The following PHACTR2 variants were observed in gnomAD, a reference collection of about 807,000 sequenced individuals.
PHACTR2 encodes the protein chromosome 6 open reading frame 56.
A neutral mutation model predicts 76.0 loss-of-function variants in PHACTR2; 30 were observed. The observed-to-expected ratio is 0.39, with a 90% confidence interval of 0.30 to 0.54. The LOEUF is 0.54. Among genes scored for constraint, PHACTR2 ranks in the 20% least tolerant of loss-of-function variants. The pLI, the probability that PHACTR2 is intolerant of heterozygous loss-of-function variation, is 0.61. For synonymous variants in PHACTR2, 292 were observed against 292.5 expected (o/e 1.00, Z 0.02); for missense variants, 696 against 781.1 (o/e 0.89, Z 1.30).
intron 1 of PHACTR2, among the ~76,000 whole-genome samples, chr6:143,699,879 C>G (rs1326921554): frequency 6.6e-6 from 1 of 152,156 alleles, no homozygotes; most frequent in East Asian, 1.9e-4. Flanking sequence ...AATCTGGGAG[C>G]CTTGGGGACT....
In PHACTR2 at chr6:143,712,636, C is replaced by T. The variant is rs184719500; in HGVS notation, c.214+453C>T. ...ATACACATAACGTAATGTTAACGGT[C>T]TTGTTCGTTAATTAAAACTTTTTTA... On this transcript the variant is annotated intron_variant, in intron 2 of 12. Coordinates refer to ENST00000440869, the MANE Select transcript of PHACTR2 (RefSeq NM_001100164.2). 3.0e-3 allele frequency among the ~76,000 whole-genome samples: 450 copies of T among 151,800 alleles called. 5 individuals are homozygous for T. Among genetic ancestry groups the T allele is most frequent in the Non-Finnish European group, 2.1e-3 (146 of 67,932 alleles).
rs1359737600 is a variant in PHACTR2 at position 143,599,865 on chromosome 6, G to A, written c.217+62658G>A. Among the ~76,000 whole-genome samples, 1 of 152,222 alleles carries A rather than the reference G, an allele frequency of 6.6e-6. No homozygotes were observed. Among genetic ancestry groups the A allele is most frequent in the African/African-American group, 2.4e-5 (1 of 41,462 alleles). On this transcript the variant is annotated intron_variant, in intron 1 of 11. Coordinates refer to the PHACTR2 transcript ENST00000367584. The surrounding 1 kb of genome is among the most constrained non-coding windows in gnomAD (Gnocchi z 4.6). ...TTCAGGAGCCAGGCAGGCCATGTAA[G>A]TGTGTGTAGCTCAATGTGAGACAAT...
At position 143,571,213 on chromosome 6, in the gene PHACTR2, T is replaced by C. The variant is rs1775443345; in HGVS notation, c.217+34006T>C. ...TTTAGCCAATTATCCCACTAACAAT[T>C]ATCATTGTTAGTAACAATTATCATT... On this transcript the variant is annotated intron_variant, in intron 1 of 11. Transcript: ENST00000367584. This position sits in a 1 kb window ranked among gnomAD's most constrained non-coding sequence, Gnocchi z 4.6. 2.6e-5 allele frequency among the ~76,000 whole-genome samples: 4 copies of C among 152,192 alleles called. No homozygotes were observed. Among genetic ancestry groups the C allele is most frequent in the South Asian group, 4.1e-4 (2 of 4,830 alleles).
At position 143,755,416 on chromosome 6, in the gene PHACTR2, G is replaced by C; in HGVS notation, c.454+1504G>C. The C allele has an allele frequency of 2.2e-6, 1 of 455,268 alleles. No homozygotes were observed. The highest frequency in any genetic ancestry group is 6.9e-5 in the East Asian group (1 of 14,396). 28.2% of individuals were successfully genotyped at this position (455,268 alleles called of 1,614,324 possible). A position where few individuals can be genotyped will look rare whatever the true frequency, so the allele number is the denominator to read the frequency against. The stretch of plus-strand genomic sequence containing the variant: ...ATCTCTGGTGCCTGGTCCGTGCAGG[G>C]TATTCGTCACTGGACTGGCCAGACA... On this transcript the variant is annotated intron_variant, in intron 4 of 12. Transcript: ENST00000440869. The surrounding 1 kb of genome is among the most constrained non-coding windows in gnomAD (Gnocchi z 5.2).
chr6:143,815,122 A>G (rs1376349140), intron 12 of PHACTR2, among the ~76,000 whole-genome samples: 2 of 152,218 alleles, frequency 1.3e-5, no homozygotes, highest in Admixed American at 6.5e-5. Context: ...ACTGCCTTTC[A>G]TGGATACTCC....
Position 143,811,059 on chromosome 6 carries a change from A to G in PHACTR2, c.1922+3926A>G, listed in dbSNP as rs780784971. Among the ~76,000 whole-genome samples, 9 of 152,156 alleles carry G rather than the reference A, an allele frequency of 5.9e-5. No individual in the cohort carries two copies. The highest frequency in any genetic ancestry group is 3.9e-4 in the Admixed American group (6 of 15,270). ...GTTTTACTTCATTGTTTTGTGTCTT[A>G]TGGACGGAGGCCAAGAGTATAAAAC... is the stretch of plus-strand genomic sequence containing the variant. On this transcript the variant is annotated intron_variant, in intron 12 of 12. Transcript: ENST00000440869. This position sits in a 1 kb window ranked among gnomAD's most constrained non-coding sequence, Gnocchi z 4.1.
chr6:143,542,847 G>A (rs9390102), intron 1 of PHACTR2, among the ~76,000 whole-genome samples: 16,790 of 152,176 alleles, frequency 0.11, 1,133 homozygotes, highest in East Asian at 0.2. Context: ...CCTTTGATCA[G>A]ATACTCACTG....
Position 143,730,497 on chromosome 6 carries a change from C to T in PHACTR2, c.214+18314C>T, listed in dbSNP as rs1449857532. The stretch of plus-strand genomic sequence containing the variant: ...GTATCATGCTACCTTATTAAACTCA[C>T]TTATCAGTTCTAGTAGTTCTAGTGA... On this transcript the variant is annotated intron_variant, in intron 2 of 12. Transcript: ENST00000440869. The surrounding 1 kb of genome is among the most constrained non-coding windows in gnomAD (Gnocchi z 4.8). 6.6e-6 allele frequency among the ~76,000 whole-genome samples: 1 copy of T among 152,182 alleles called. No homozygotes were observed. The highest frequency in any genetic ancestry group is 2.1e-4 in the South Asian group (1 of 4,832).
At chr6:143,734,304 A>C (rs1189023073) in intron 2 of PHACTR2, among the ~76,000 whole-genome samples, 1 of 150,144 alleles carries the variant, frequency 6.7e-6, no homozygotes, top group Non-Finnish European at 1.5e-5. Flanking sequence ...ACAGATCGAT[A>C]AAACCATGAA....
In PHACTR2 at chr6:143,598,791, C is replaced by T. The variant is rs1343868019; in HGVS notation, c.217+61584C>T. Among the ~76,000 whole-genome samples the T allele has an allele frequency of 2.0e-5, 3 of 152,090 alleles. No homozygotes were observed. Among genetic ancestry groups the T allele is most frequent in the Admixed American group, 2.0e-4 (3 of 15,274 alleles). On this transcript the variant is annotated intron_variant, in intron 1 of 11. Transcript: ENST00000367584. This position sits in a 1 kb window ranked among gnomAD's most constrained non-coding sequence, Gnocchi z 4.1. Reference sequence around the variant, plus strand: ...TATGGCTCCCAGGAACTTTCTATGACCCCCTTAGAGGAATCACTAGACCTC... The same window carrying T: ...TATGGCTCCCAGGAACTTTCTATGATCCCCTTAGAGGAATCACTAGACCTC...
rs145878493 is a variant in PHACTR2 at position 143,684,748 on chromosome 6, C to G, written c.46+6539C>G. 3.9e-5 allele frequency among the ~76,000 whole-genome samples: 6 copies of G among 152,326 alleles called. No homozygotes were observed. The highest frequency in any genetic ancestry group is 1.4e-4 in the African/African-American group (6 of 41,574). On this transcript the variant is annotated intron_variant, in intron 1 of 12. Coordinates refer to ENST00000440869, the MANE Select transcript of PHACTR2 (RefSeq NM_001100164.2). The surrounding 1 kb of genome is among the most constrained non-coding windows in gnomAD (Gnocchi z 4.3). ...AGCTAGCTCCACAGCACAGACTTAACAAGTGGAACTTTAGCATGTATTTAA... is the reference window on the plus strand; with the variant it reads ...AGCTAGCTCCACAGCACAGACTTAAGAAGTGGAACTTTAGCATGTATTTAA...
chr6:143,710,986 T>C lies in PHACTR2; in HGVS notation c.47-1030T>C, dbSNP rs776596216. The C allele has an allele frequency of 2.0e-6, 1 of 511,418 alleles. No individual in the cohort carries two copies. Among genetic ancestry groups the C allele is most frequent in the Non-Finnish European group, 3.9e-6 (1 of 256,220 alleles). 31.7% of individuals were successfully genotyped at this position (511,418 alleles called of 1,614,324 possible). ...TCAGTACACTTCACCTCTAAACACT[T>C]CAGCATACATGTCATTAATTAGACT... On this transcript the variant is annotated intron_variant, in intron 1 of 12. Transcript: ENST00000440869. This position sits in a 1 kb window ranked among gnomAD's most constrained non-coding sequence, Gnocchi z 4.9.
rs1775932809 is a variant in PHACTR2 at position 143,608,880 on chromosome 6, TCTTTA to T, written c.13+562_13+566del. ...TTTAAAAATGTACTTATTTTTAGTA[TCTTTA>T]CTTGATAACTAGACAAACAGATGAT... On this transcript the variant is annotated intron_variant, in intron 1 of 11. Transcript: ENST00000305766. This position sits in a 1 kb window ranked among gnomAD's most constrained non-coding sequence, Gnocchi z 4.6. 6.6e-6 allele frequency among the ~76,000 whole-genome samples: 1 copy of T among 152,246 alleles called. No individual in the cohort carries two copies. The highest frequency in any genetic ancestry group is 1.5e-5 in the Non-Finnish European group (1 of 68,038).
At position 143,554,956 on chromosome 6, in the gene PHACTR2, G is replaced by A. The variant is rs1336651432; in HGVS notation, c.217+17749G>A. 6.6e-6 allele frequency: 1 copy of A among 151,978 alleles called. No homozygotes were observed. The highest frequency in any genetic ancestry group is 6.6e-5 in the Admixed American group (1 of 15,260). The allele number at this position is 151,978 out of a possible 1,614,324, so 9.4% of individuals were successfully genotyped here. A position where few individuals can be genotyped will look rare whatever the true frequency, so the allele number is the denominator to read the frequency against. ...ATAATCCTTTGTGGTATATACATTG[G>A]AAGTATTTTTCTGCTATTTGGTTTT... is the stretch of plus-strand genomic sequence containing the variant. On this transcript the variant is annotated intron_variant, in intron 1 of 11. Coordinates refer to the PHACTR2 transcript ENST00000367584. The surrounding 1 kb of genome is among the most constrained non-coding windows in gnomAD (Gnocchi z 5.9).
At position 143,608,433 on chromosome 6, in the gene PHACTR2, C is replaced by A; in HGVS notation, c.13+111C>A. 1 of 1,064,864 alleles carries A rather than the reference C, an allele frequency of 9.4e-7. No individual in the cohort carries two copies. Among genetic ancestry groups the A allele is most frequent in the South Asian group, 1.3e-5 (1 of 76,282 alleles). The allele number at this position is 1,064,864 out of a possible 1,614,324, so 66.0% of individuals were successfully genotyped here. On this transcript the variant is annotated intron_variant, in intron 1 of 11. Coordinates refer to the PHACTR2 transcript ENST00000305766. This position sits in a 1 kb window ranked among gnomAD's most constrained non-coding sequence, Gnocchi z 4.6. ...TGCTCTCGTTTTGCACTTAAATGTT[C>A]AAGACTGAGACGCGTGTAATATGTG...
intron 4 of PHACTR2, among the ~76,000 whole-genome samples, chr6:143,756,050 CA>C (rs1387554054): frequency 3.3e-5 from 5 of 152,026 alleles, no homozygotes; most frequent in African/African-American, 1.2e-4. Context: ...CCAACTTATT[CA>C]AGAGCATTCT....
rs73778676 is a variant in PHACTR2 at position 143,744,634 on chromosome 6, G to A, written c.215-4351G>A. ...ATATGGCCTCCTGGGAAGGACAGAG[G>A]CCACCATGCAGGGCCCCAAGAAATT... On this transcript the variant is annotated intron_variant, in intron 2 of 12. Transcript: ENST00000440869. Among the ~76,000 whole-genome samples, 1,328 of 152,316 alleles carry A rather than the reference G, an allele frequency of 8.7e-3. 10 individuals carry two copies. Among genetic ancestry groups the A allele is most frequent in the African/African-American group, 0.029 (1,206 of 41,556 alleles).
intron 12 of PHACTR2, chr6:143,810,438 G>A (rs551867006): frequency 7.2e-6 from 2 of 276,024 alleles, no homozygotes; most frequent in Admixed American, 7.8e-5. Context: ...AGCATGCCTA[G>A]TCTACTCACT....
At chr6:143,788,552 A>T (rs1775604597) in intron 10 of PHACTR2, among the ~76,000 whole-genome samples, 1 of 151,868 alleles carries the variant, frequency 6.6e-6, no homozygotes, top group Non-Finnish European at 1.5e-5. Flanking sequence ...AAAGACTGTG[A>T]CCTATCTAAA....
Sources: allele counts gnomAD v4.1 joint callset (sites outside exome capture counted in the v4.1 genomes callset), GRCh38; gene constraint gnomAD v4.1.1; non-coding constraint Gnocchi (gnomAD v3.1); transcripts MANE v1.5; gene names NCBI Gene and HGNC (gene_info 2026-07-23, HGNC 2026-07-21).